Variants in LRP1B observed in about 807,000 individuals in gnomAD.
LRP1B encodes the protein low-density lipoprotein receptor-related protein 1B.
Under a neutral mutation model 556.6 loss-of-function variants are expected in LRP1B, and 217 were observed. That is an observed-to-expected ratio of 0.39 (90% CI 0.35 to 0.44). LRP1B has a LOEUF of 0.44. Among genes scored for constraint, LRP1B ranks in the 20% least tolerant of loss-of-function variants. The probability of loss-of-function intolerance (pLI) is 1.00; values close to 1 mark genes in which losing one functional copy is unlikely to be tolerated. For synonymous variants in LRP1B, 2,047 were observed against 1,865.8 expected (o/e 1.10, Z -2.50); for missense variants, 5,053 against 5,620.8 (o/e 0.90, Z 3.23).
At chr2:140,822,489 C>T (rs1042981882) in intron 31 of LRP1B, among the ~76,000 whole-genome samples, 3 of 152,154 alleles carry the variant, frequency 2.0e-5, no homozygotes, top group Non-Finnish European at 2.9e-5. Flanking sequence ...CAGTGAATTA[C>T]AACATAAAAA....
chr2:141,423,343 G>A lies in LRP1B; in HGVS notation c.343+57053C>T, dbSNP rs577680383. On this transcript the variant is annotated intron_variant, in intron 3 of 90. Coordinates refer to ENST00000389484, the MANE Select transcript of LRP1B (RefSeq NM_018557.3). ...AGGGCAAATATTTCCCACACTTGAT[G>A]CACAGATGGAGAGAGCAGTTAACTG... Among the ~76,000 whole-genome samples, 3 of 137,802 alleles carry A rather than the reference G, an allele frequency of 2.2e-5. No homozygotes were observed. In the South Asian group the frequency reaches 6.9e-4, roughly 32 times the overall value. The allele number at this position is 137,802 out of a possible 152,430, so 90.4% of individuals were successfully genotyped here.
chr2:141,324,772 G>A lies in LRP1B; in HGVS notation c.344-70131C>T, dbSNP rs200421785. Among the ~76,000 whole-genome samples, 45 of 152,006 alleles carry A rather than the reference G, an allele frequency of 3.0e-4. No homozygotes were observed. The East Asian group carries it at 7.9e-3, about 27-fold the overall frequency. ...TCTTATTTTATTATATTTTAAAATTGGAATAATAAATGTGATGCCAACAAT... is the reference window on the plus strand; with the variant it reads ...TCTTATTTTATTATATTTTAAAATTAGAATAATAAATGTGATGCCAACAAT... On this transcript the variant is annotated intron_variant, in intron 3 of 90. Transcript: ENST00000389484.
At chr2:141,389,774 T>C (rs1445381781) in intron 3 of LRP1B, among the ~76,000 whole-genome samples, 1 of 152,184 alleles carries the variant, frequency 6.6e-6, no homozygotes, top group Non-Finnish European at 1.5e-5. Flanking sequence ...ATAATACTCT[T>C]ACAACTCAAC....
intron 7 of LRP1B, among the ~76,000 whole-genome samples, chr2:141,144,960 T>A (rs1242096491): frequency 2.0e-5 from 3 of 152,214 alleles, no homozygotes; most frequent in Admixed American, 1.3e-4. Context: ...CTATTAGTAC[T>A]CTTTTTGTTG....
chr2:141,835,278 T>A (rs1175079351), intron 1 of LRP1B, among the ~76,000 whole-genome samples: 1 of 151,988 alleles, frequency 6.6e-6, no homozygotes, highest in Non-Finnish European at 1.5e-5. Flanking sequence ...ATGGAAATAC[T>A]TGTGTGAGAG....
chr2:141,488,860 G>A (rs1683214036), intron 2 of LRP1B, among the ~76,000 whole-genome samples: 1 of 151,874 alleles, frequency 6.6e-6, no homozygotes. Flanking sequence ...AACTTTCCTG[G>A]AATTATTTAA....
At chr2:140,863,203 C>T (rs1238059159) in intron 27 of LRP1B, among the ~76,000 whole-genome samples, 1 of 152,114 alleles carries the variant, frequency 6.6e-6, no homozygotes, top group Non-Finnish European at 1.5e-5. Flanking sequence ...ATATTCTATA[C>T]ATACATACAC....
At chr2:141,437,108 C>T (rs1441096172) in intron 3 of LRP1B, among the ~76,000 whole-genome samples, 7 of 152,064 alleles carry the variant, frequency 4.6e-5, no homozygotes, top group Non-Finnish European at 1.0e-4. Context: ...CTATTTAAAC[C>T]TTTCTCCCCT....
intron 32 of LRP1B, among the ~76,000 whole-genome samples, chr2:140,804,929 T>C (rs1269540893): frequency 2.0e-5 from 3 of 152,056 alleles, no homozygotes; most frequent in Admixed American, 2.0e-4. Flanking sequence ...ATAGCAGCTA[T>C]TGTGATAACT....
chr2:141,779,155 T>G (rs1398592306), intron 2 of LRP1B, among the ~76,000 whole-genome samples: 1 of 152,152 alleles, frequency 6.6e-6, no homozygotes, highest in African/African-American at 2.4e-5. Context: ...TAACCTAGAT[T>G]TGTATTTATG....
At chr2:141,035,813 A>C (rs1224844720) in intron 11 of LRP1B, among the ~76,000 whole-genome samples, 1 of 152,148 alleles carries the variant, frequency 6.6e-6, no homozygotes, top group Non-Finnish European at 1.5e-5. Context: ...CATCAAGTAA[A>C]ATGCCTTTAT....
At chr2:141,459,570 C>T (rs996643011) in intron 3 of LRP1B, among the ~76,000 whole-genome samples, 14 of 151,934 alleles carry the variant, frequency 9.2e-5, no homozygotes, top group Admixed American at 2.6e-4. Context: ...CCGTAATTCC[C>T]GAGTGTTGTG....
intron 2 of LRP1B, among the ~76,000 whole-genome samples, chr2:141,644,014 G>A (rs1175206169): frequency 7.3e-4 from 23 of 31,308 alleles, no homozygotes; most frequent in African/African-American, 2.1e-3. Context: ...TGGAGAGTGT[G>A]TGTGTGTGTG....
chr2:140,655,860 C>T (rs1039266542), intron 41 of LRP1B, among the ~76,000 whole-genome samples: 2 of 151,780 alleles, frequency 1.3e-5, no homozygotes, highest in South Asian at 2.1e-4. Context: ...GGAGAGTGGC[C>T]TGTACCCGGG....
chr2:141,740,825 A>C (rs999583785), intron 2 of LRP1B, among the ~76,000 whole-genome samples: 6 of 152,128 alleles, frequency 3.9e-5, no homozygotes, highest in Admixed American at 3.9e-4. Flanking sequence ...ACAAGTCTGC[A>C]TGGAGCAAAT....
At chr2:141,590,507 TG>T (rs1360991131) in intron 2 of LRP1B, among the ~76,000 whole-genome samples, 2 of 152,258 alleles carry the variant, frequency 1.3e-5, no homozygotes, top group African/African-American at 4.8e-5. Context: ...ATGGCCTAAA[TG>T]GGGATGTCAT....
At chr2:141,780,582 G>A (rs754459634) in intron 2 of LRP1B, among the ~76,000 whole-genome samples, 4 of 151,964 alleles carry the variant, frequency 2.6e-5, no homozygotes, top group African/African-American at 9.7e-5. Context: ...TTAAGCTATC[G>A]CGTGGCATCA....
At chr2:141,940,148 ATACT>A (rs768767535) in intron 1 of LRP1B, among the ~76,000 whole-genome samples, 60 of 152,130 alleles carry the variant, frequency 3.9e-4, no homozygotes, top group Non-Finnish European at 7.2e-4. Flanking sequence ...GTAAGAGAAG[ATACT>A]TACAAAAATC....
chr2:141,015,853 T>G lies in LRP1B; in HGVS notation c.2033A>C (p.Lys678Thr). The G allele has an allele frequency of 1.2e-6, 2 of 1,613,676 alleles. No individual in the cohort carries two copies. The highest frequency in any genetic ancestry group is 1.7e-6 in the Non-Finnish European group (2 of 1,179,790). The change falls in exon 13 of 91, where the codon AAG becomes ACG. Residue 678 changes from lysine to threonine, a missense_variant. Physicochemically the swap from Lys to Thr is moderately conservative, Grantham distance 78. Coordinates refer to ENST00000389484, the MANE Select transcript of LRP1B (RefSeq NM_018557.3). ...EIDDSVGRIE[K>T]AWMDGFNRQI... ...CCGATTGAATCCATCCATCCAGGCC[T>G]TCTCAATCCTTCCCACGCTGTCATC...
Sources: gnomAD v4.1 joint callset for allele counts (sites outside exome capture counted in the v4.1 genomes callset) on GRCh38, gnomAD v4.1.1 for gene constraint, MANE v1.5 for transcripts, NCBI Gene and HGNC (gene_info 2026-07-23, HGNC 2026-07-21) for gene names.